The following TOM1L1 variants were observed in gnomAD, a reference collection of about 807,000 sequenced individuals.
TOM1L1 encodes the protein TOM1-like protein 1.
Under a neutral mutation model 63.4 loss-of-function variants are expected in TOM1L1, and 64 were observed. The ratio of observed to expected loss-of-function variants is 1.01; its 90% CI spans 0.83 to 1.24. TOM1L1 has a LOEUF of 1.24. Ranked by LOEUF, TOM1L1 falls within the 50% of genes most tolerant of loss-of-function variation. TOM1L1 has a pLI of 0.00. For synonymous variants in TOM1L1, 166 were observed against 194.4 expected (o/e 0.85, Z 1.22); for missense variants, 536 against 567.0 (o/e 0.95, Z 0.55).
In TOM1L1 at chr17:54,912,796, G is replaced by A; in HGVS notation, c.353G>A (p.Arg118Lys). The A allele has an allele frequency of 6.2e-7, 1 of 1,605,194 alleles. No homozygotes were observed. The highest frequency in any genetic ancestry group is 8.5e-7 in the Non-Finnish European group (1 of 1,177,636). Residue 118 changes from arginine (R) to lysine (K), a missense_variant, in exon 4 of 16, where the codon AGA (arginine) becomes AAA (lysine). Coordinates refer to ENST00000575882, the MANE Select transcript of TOM1L1 (RefSeq NM_005486.3). ...AACTTGCCATTAGACATTCAGAATA[G>A]AATCTTGAATTTCATTAAGGTAAGT... Reference protein sequence around the residue: ...RYNLPLDIQNRILNFIKTWSQ... With the variant: ...RYNLPLDIQNKILNFIKTWSQ...
chr17:54,947,602 C>T (rs1325992093), intron 12 of TOM1L1, among the ~76,000 whole-genome samples: 2 of 152,140 alleles, frequency 1.3e-5, no homozygotes, highest in Non-Finnish European at 2.9e-5. Context: ...ACTGCAGTTC[C>T]ATAGTCCCTC....
At chr17:54,912,863 G>T in intron 4 of TOM1L1, 48 bp downstream of exon 4, 1 of 1,427,260 alleles carries the variant, frequency 7.0e-7, no homozygotes, top group South Asian at 1.6e-5. Context: ...TAAGATTAGG[G>T]ATTTAATAGC....
intron 8 of TOM1L1, among the ~76,000 whole-genome samples, chr17:54,932,808 C>T (rs551191418): frequency 6.6e-6 from 1 of 152,294 alleles, no homozygotes; most frequent in South Asian, 2.1e-4. Context: ...AAAAAATATC[C>T]AAGGAAAACC....
intron 11 of TOM1L1, among the ~76,000 whole-genome samples, chr17:54,945,353 A>T (rs12945579): frequency 0.51 from 78,179 of 152,026 alleles, 20,632 homozygotes; most frequent in Non-Finnish European, 0.56. Context: ...TGAGCATAGC[A>T]TTTGGGGGGC....
intron 11 of TOM1L1, 63 bp from the exon 12 acceptor site, chr17:54,947,193 ATTATC>A (rs1376306784): frequency 1.3e-5 from 19 of 1,508,206 alleles, no homozygotes; most frequent in Non-Finnish European, 1.7e-5. Context: ...GACTAGGAAA[ATTATC>A]TTACTTTTTG....
intron 5 of TOM1L1, among the ~76,000 whole-genome samples, 155 bp downstream of exon 5, chr17:54,914,028 G>A (rs2048542837): frequency 6.6e-6 from 1 of 152,126 alleles, no homozygotes; most frequent in Non-Finnish European, 1.5e-5. Flanking sequence ...CCGAGACTTG[G>A]GATTTTGCTA....
At chr17:54,914,348 G>A (rs936232307) in intron 5 of TOM1L1, among the ~76,000 whole-genome samples, 1 of 144,564 alleles carries the variant, frequency 6.9e-6, no homozygotes, top group Non-Finnish European at 1.5e-5. Flanking sequence ...TCACATGGCA[G>A]TTTATCACTT....
chr17:54,935,797 A>T (rs111800132), intron 8 of TOM1L1, among the ~76,000 whole-genome samples: 1 of 152,138 alleles, frequency 6.6e-6, no homozygotes, highest in Non-Finnish European at 1.5e-5. Flanking sequence ...TAGAAGGTCA[A>T]TTTTTTGGTA....
intron 7 of TOM1L1, among the ~76,000 whole-genome samples, chr17:54,925,753 T>C (rs2048757956): frequency 6.6e-6 from 1 of 151,870 alleles, no homozygotes; most frequent in Admixed American, 6.6e-5. Context: ...AAAATACAAA[T>C]ATCAGCTGGG....
At chr17:54,930,637 C>A (rs1021374850) in intron 8 of TOM1L1, among the ~76,000 whole-genome samples, 4 of 152,002 alleles carry the variant, frequency 2.6e-5, no homozygotes, top group African/African-American at 9.7e-5. Context: ...GTCAGGAGTT[C>A]GAAACCAGCC....
Position 54,950,028 on chromosome 17 carries a change from T to C in TOM1L1, c.1289-17T>C. On this transcript the variant is annotated splice_polypyrimidine_tract_variant and intron_variant, in intron 13 of 15. Coordinates refer to ENST00000575882, the MANE Select transcript of TOM1L1 (RefSeq NM_005486.3). ...AAAAAGCACAATATGTTTACTGGTC[T>C]CTTTTTTTGCCCAAAGCGATGACAA... is the stretch of plus-strand genomic sequence containing the variant. The C allele has an allele frequency of 6.2e-7, 1 of 1,603,294 alleles. No individual in the cohort carries two copies. The highest frequency in any genetic ancestry group is 8.5e-7 in the Non-Finnish European group (1 of 1,171,708).
chr17:54,954,842 A>G (rs2049413187), intron 14 of TOM1L1: 1 of 152,250 alleles, frequency 6.6e-6, no homozygotes, highest in Admixed American at 6.5e-5. Flanking sequence ...AACATTGCAT[A>G]TAGGGCATTT....
chr17:54,906,928 A>G (rs2048421255), intron 3 of TOM1L1: 2 of 483,502 alleles, frequency 4.1e-6, no homozygotes, highest in Non-Finnish European at 5.4e-6. Flanking sequence ...GGCACTAATC[A>G]GCCAACATCA....
intron 15 of TOM1L1, chr17:54,961,032 G>A (rs2077107479): frequency 5.1e-6 from 3 of 586,846 alleles, no homozygotes; most frequent in Admixed American, 3.1e-5. Context: ...CTAATCCCAT[G>A]TATTTACTAT....
At chr17:54,907,074 G>A (rs73992841) in intron 3 of TOM1L1, among the ~76,000 whole-genome samples, 120 of 152,014 alleles carry the variant, frequency 7.9e-4, no homozygotes, top group Middle Eastern at 3.4e-3. Flanking sequence ...TGCTGTGAAC[G>A]GTCTTCATGA....
intron 14 of TOM1L1, among the ~76,000 whole-genome samples, chr17:54,955,391 A>G (rs777451499): frequency 5.1e-4 from 78 of 152,286 alleles, no homozygotes; most frequent in African/African-American, 1.7e-3. Flanking sequence ...TAACCTTTGT[A>G]TCACTGCATT....
At chr17:54,940,852 T>G (rs1288868926) in intron 11 of TOM1L1, among the ~76,000 whole-genome samples, 2 of 152,178 alleles carry the variant, frequency 1.3e-5, no homozygotes, top group South Asian at 2.1e-4. Context: ...AGAGGCAGGA[T>G]AGAATAAATA....
intron 7 of TOM1L1, chr17:54,917,514 A>C (rs1407421460): frequency 6.6e-6 from 1 of 152,184 alleles, no homozygotes; most frequent in Non-Finnish European, 1.5e-5. Flanking sequence ...TATTTTTAAA[A>C]TATGTTGGAT....
chr17:54,943,340 C>CT, intron 11 of TOM1L1, among the ~76,000 whole-genome samples: 1 of 151,018 alleles, frequency 6.6e-6, no homozygotes, highest in Middle Eastern at 3.4e-3. Flanking sequence ...CTATGTGTTC[C>CT]TTTTTTTCTG....
Sources: gnomAD v4.1 joint callset for allele counts (sites outside exome capture counted in the v4.1 genomes callset) on GRCh38, gnomAD v4.1.1 for gene constraint, MANE v1.5 for transcripts, NCBI Gene and HGNC (gene_info 2026-07-23, HGNC 2026-07-21) for gene names.